DISC1: variants seen among roughly 807,000 people sequenced by gnomAD.
DISC1 encodes the protein disrupted in schizophrenia 1 protein.
In DISC1, 57 loss-of-function variants were observed where a neutral mutation model predicts 84.5. The ratio of observed to expected loss-of-function variants is 0.67; its 90% CI spans 0.55 to 0.84. DISC1 has a LOEUF of 0.84. DISC1 is among the 40% of genes least tolerant of loss of function. DISC1 has a pLI of 0.00. For missense variants in DISC1, 1,000 were observed against 1,057.8 expected (o/e 0.95, Z 0.76); for synonymous variants, 411 against 415.2 (o/e 0.99, Z 0.12).
chr1:231,990,721 C>T (rs1267608707), intron 10 of DISC1, among the ~76,000 whole-genome samples: 2 of 152,184 alleles, frequency 1.3e-5, no homozygotes, highest in African/African-American at 4.8e-5. Context: ...GGAAATGACT[C>T]TGCTTCCCCT....
intron 10 of DISC1, among the ~76,000 whole-genome samples, chr1:231,977,360 A>C (rs1264367470): frequency 1.3e-5 from 2 of 152,188 alleles, no homozygotes; most frequent in Non-Finnish European, 2.9e-5. Flanking sequence ...GTTCTCTCTG[A>C]AGGCTCCAGG....
At chr1:231,995,177 T>C (rs1203900398) in intron 10 of DISC1, among the ~76,000 whole-genome samples, 3 of 152,040 alleles carry the variant, frequency 2.0e-5, no homozygotes, top group Non-Finnish European at 4.4e-5. Context: ...AATTGGAGGT[T>C]AAGTTGCCCA....
At position 231,809,030 on chromosome 1, in the gene DISC1, G is replaced by A. The variant is rs116740638; in HGVS notation, c.1792+8820G>A. Among the ~76,000 whole-genome samples the A allele has an allele frequency of 5.8e-3, 888 of 152,332 alleles. 11 individuals are homozygous for A. Among genetic ancestry groups the A allele is most frequent in the African/African-American group, 0.021 (854 of 41,566 alleles). On this transcript the variant is annotated intron_variant, in intron 8 of 12. Coordinates refer to ENST00000439617, the MANE Select transcript of DISC1 (RefSeq NM_018662.3). Reference sequence around the variant, plus strand: ...CAAGGCACATGGCAACTGGCAGTGTGTATAGGGAGTAGGGTCTGGGCCACT... The same window carrying A: ...CAAGGCACATGGCAACTGGCAGTGTATATAGGGAGTAGGGTCTGGGCCACT...
chr1:231,752,459 T>C (rs1305225571), intron 4 of DISC1, among the ~76,000 whole-genome samples: 4 of 152,164 alleles, frequency 2.6e-5, no homozygotes, highest in African/African-American at 7.2e-5. Context: ...ATCATGAGAA[T>C]AGCACCAGAG....
At chr1:231,691,679 C>T (rs1454718713) in intron 1 of DISC1, among the ~76,000 whole-genome samples, 1 of 152,178 alleles carries the variant, frequency 6.6e-6, no homozygotes, top group Admixed American at 6.5e-5. Context: ...AATTGTTTTC[C>T]TTTGGTAATT....
At chr1:231,690,153 T>C (rs1230978886) in intron 1 of DISC1, among the ~76,000 whole-genome samples, 1 of 152,152 alleles carries the variant, frequency 6.6e-6, no homozygotes, top group Non-Finnish European at 1.5e-5. Context: ...CTAAGCTGCT[T>C]TCACTTCCCT....
At chr1:231,773,269 G>C (rs965699099) in intron 6 of DISC1, among the ~76,000 whole-genome samples, 1 of 152,174 alleles carries the variant, frequency 6.6e-6, no homozygotes, top group Non-Finnish European at 1.5e-5. Context: ...ACTTGGTCTG[G>C]TTTTCTACCT....
intron 1 of DISC1, among the ~76,000 whole-genome samples, chr1:231,673,923 T>C (rs1213221577): frequency 2.0e-5 from 3 of 152,226 alleles, no homozygotes; most frequent in Non-Finnish European, 4.4e-5. Flanking sequence ...TCCTATGCTC[T>C]AAGACATGTG....
chr1:231,834,688 G>A (rs1004115895), intron 9 of DISC1, among the ~76,000 whole-genome samples: 3 of 151,996 alleles, frequency 2.0e-5, no homozygotes, highest in Non-Finnish European at 2.9e-5. Flanking sequence ...GCAATGGGGG[G>A]CAGAAGCTTG....
At chr1:231,641,143 G>A (rs570669645) in intron 1 of DISC1, among the ~76,000 whole-genome samples, 7 of 152,338 alleles carry the variant, frequency 4.6e-5, no homozygotes, top group African/African-American at 1.7e-4. Context: ...AGCTATTCTT[G>A]TGCTGGGTAG....
At chr1:231,724,463 G>T (rs960839928) in intron 3 of DISC1, among the ~76,000 whole-genome samples, 1 of 152,148 alleles carries the variant, frequency 6.6e-6, no homozygotes, top group Non-Finnish European at 1.5e-5. Context: ...CAAACTTCAA[G>T]GTGATTGTCT....
At chr1:231,644,563 C>G (rs562958875) in intron 1 of DISC1, among the ~76,000 whole-genome samples, 1 of 152,256 alleles carries the variant, frequency 6.6e-6, no homozygotes, top group East Asian at 1.9e-4. Flanking sequence ...CATCAGCAAC[C>G]CTGCAGGTAA....
intron 9 of DISC1, among the ~76,000 whole-genome samples, chr1:231,886,275 T>C (rs74501787): frequency 6.6e-6 from 1 of 152,342 alleles, no homozygotes; most frequent in African/African-American, 2.4e-5. Context: ...AATATCCGCA[T>C]AGTGATTTTA....
chr1:231,743,171 T>A (rs1331821797), intron 3 of DISC1, among the ~76,000 whole-genome samples: 1 of 152,002 alleles, frequency 6.6e-6, no homozygotes, highest in East Asian at 1.9e-4. Context: ...GGGTTTTTAA[T>A]TTTTTTTGGA....
intron 9 of DISC1, among the ~76,000 whole-genome samples, chr1:231,868,692 T>TATATA (rs2085226389): frequency 3.7e-5 from 4 of 108,840 alleles, no homozygotes; most frequent in African/African-American, 1.3e-4. Context: ...ACCCCATCTC[T>TATATA]TATATATATA....
At chr1:231,789,528 G>C (rs1170862478) in intron 6 of DISC1, among the ~76,000 whole-genome samples, 1 of 152,236 alleles carries the variant, frequency 6.6e-6, no homozygotes, top group African/African-American at 2.4e-5. Flanking sequence ...GAACTGTTCA[G>C]AGACGATTGC....
At chr1:231,672,251 A>C (rs1572715335) in intron 1 of DISC1, among the ~76,000 whole-genome samples, 1 of 152,004 alleles carries the variant, frequency 6.6e-6, no homozygotes, top group East Asian at 1.9e-4. Flanking sequence ...CATGTCTGTC[A>C]GTTCTTTTAG....
chr1:231,994,977 C>G (rs973502392), intron 10 of DISC1, among the ~76,000 whole-genome samples: 1 of 152,134 alleles, frequency 6.6e-6, no homozygotes, highest in Non-Finnish European at 1.5e-5. Context: ...ACAATGACCT[C>G]TACATGTTCC....
intron 8 of DISC1, 139 bp downstream of exon 8, chr1:231,800,349 C>G: frequency 1.4e-6 from 1 of 734,018 alleles, no homozygotes; most frequent in Non-Finnish European, 2.4e-6. Flanking sequence ...TGGGAAGTTT[C>G]ACTAATATGC....
Sources: allele counts gnomAD v4.1 joint callset (sites outside exome capture counted in the v4.1 genomes callset), GRCh38; gene constraint gnomAD v4.1.1; transcripts MANE v1.5; gene names NCBI Gene and HGNC (gene_info 2026-07-23, HGNC 2026-07-21).